NEBL: variants seen among roughly 807,000 people sequenced by gnomAD.
NEBL encodes LIM and SH3 protein 2.
In NEBL, 122 loss-of-function variants were observed where a neutral mutation model predicts 140.2. The observed-to-expected ratio is 0.87, with a 90% CI of 0.75 to 1.01. NEBL has a LOEUF of 1.01. NEBL is among the 50% of genes least tolerant of loss of function. The pLI is 0.00. For missense variants in NEBL, 1,365 were observed against 1,231.3 expected, an observed-to-expected ratio of 1.11 and a Z score of -1.62; for synonymous variants, 436 against 398.9, an observed-to-expected ratio of 1.09 and a Z score of -1.11.
intron 7 of NEBL, among the ~76,000 whole-genome samples, chr10:20,863,323 A>C (rs540470991): frequency 6.6e-6 from 1 of 152,330 alleles, no homozygotes; most frequent in East Asian, 1.9e-4. Context: ...AAAAAAGCAG[A>C]CCCTGAATGA....
At chr10:21,216,991 G>GAA (rs113200768) in intron 3 of NEBL, among the ~76,000 whole-genome samples, 3 of 147,464 alleles carry the variant, frequency 2.0e-5, no homozygotes, top group Admixed American at 6.8e-5. Flanking sequence ...CAGTCTCGAA[G>GAA]AAAAAAAAAA....
At chr10:21,169,059 A>T (rs1193880309) in intron 2 of NEBL, among the ~76,000 whole-genome samples, 27 of 43,806 alleles carry the variant, frequency 6.2e-4, no homozygotes, top group South Asian at 2.1e-3. Flanking sequence ...CAAAAAAAAA[A>T]AAAAAAAAAT....
chr10:20,942,293 C>T lies in NEBL; in HGVS notation c.357+19379G>A, dbSNP rs1834914078. Reference sequence around the variant, plus strand: ...CCTCAGAAATAATGCCGCATATCTACAACCATCTGTTCTTTGACAAACCTG... The same window carrying T: ...CCTCAGAAATAATGCCGCATATCTATAACCATCTGTTCTTTGACAAACCTG... On this transcript the variant is annotated intron_variant, in intron 4 of 6. Coordinates refer to the NEBL transcript ENST00000417816. Among the ~76,000 whole-genome samples the T allele has an allele frequency of 2.0e-5, 3 of 152,174 alleles. No individual in the cohort carries two copies. In the South Asian group the frequency reaches 6.2e-4, roughly 32 times the overall value.
chr10:21,155,174 C>T (rs998320418), intron 2 of NEBL, among the ~76,000 whole-genome samples: 2 of 151,982 alleles, frequency 1.3e-5, no homozygotes, highest in African/African-American at 2.4e-5. Context: ...ACTCCAGCCT[C>T]GGCGACAGAG....
intron 26 of NEBL, among the ~76,000 whole-genome samples, chr10:20,805,541 T>G (rs574347035): frequency 6.6e-6 from 1 of 152,120 alleles, no homozygotes; most frequent in Admixed American, 6.5e-5. Flanking sequence ...CAACAGAAAT[T>G]TATAAATGAC....
chr10:21,219,925 G>C (rs1158326659), intron 3 of NEBL, among the ~76,000 whole-genome samples: 1 of 132,816 alleles, frequency 7.5e-6, no homozygotes, highest in Non-Finnish European at 1.6e-5. Context: ...TTGTTTGTTT[G>C]TTTGTTTAGA....
chr10:21,110,730 C>T, intron 2 of NEBL: 1 of 502,430 alleles, frequency 2.0e-6, no homozygotes, highest in Non-Finnish European at 4.0e-6. Context: ...GCCCCAGAAC[C>T]AACAAAGATT....
chr10:20,849,333 CTTAA>C (rs1413420824), intron 11 of NEBL, among the ~76,000 whole-genome samples: 2 of 152,168 alleles, frequency 1.3e-5, no homozygotes, highest in East Asian at 1.9e-4. Flanking sequence ...AGAAAACACT[CTTAA>C]TTGTTTATTG....
At chr10:20,977,561 CAGG>C (rs1363033609) in intron 3 of NEBL, among the ~76,000 whole-genome samples, 2 of 151,644 alleles carry the variant, frequency 1.3e-5, no homozygotes, top group Admixed American at 6.6e-5. Context: ...TGTGAGCCCA[CAGG>C]AGGAGGAGGA....
At chr10:21,201,726 T>C (rs2132227443) in intron 3 of NEBL, among the ~76,000 whole-genome samples, 1 of 152,332 alleles carries the variant, frequency 6.6e-6, no homozygotes, top group Middle Eastern at 3.4e-3. Flanking sequence ...GATAGCATCA[T>C]TTTTGGTAAT....
intron 9 of NEBL, 100 bp from the exon 10 acceptor site, chr10:20,852,749 T>C: frequency 9.4e-7 from 1 of 1,067,678 alleles, no homozygotes. Flanking sequence ...CACCAAGAGC[T>C]GCAAAGCTGT....
intron 3 of NEBL, among the ~76,000 whole-genome samples, chr10:21,191,514 T>C (rs1841573505): frequency 6.6e-6 from 1 of 152,178 alleles, no homozygotes; most frequent in Non-Finnish European, 1.5e-5. Context: ...AGTCAAAATT[T>C]TTCCTATCAA....
At chr10:20,901,138 T>C (rs536113682), upstream of NEBL, among the ~76,000 whole-genome samples, 5 of 152,292 alleles carry the variant, frequency 3.3e-5, no homozygotes, top group South Asian at 4.1e-4. Context: ...GAAAAGGTCT[T>C]CTCATTCTCT....
At chr10:20,952,813 G>A (rs1301260834) in intron 4 of NEBL, among the ~76,000 whole-genome samples, 9 of 146,698 alleles carry the variant, frequency 6.1e-5, no homozygotes, top group East Asian at 2.1e-4. Context: ...ACTGAGGCAC[G>A]AGAATTACTT....
chr10:21,127,386 A>C (rs1838888829), intron 2 of NEBL, among the ~76,000 whole-genome samples: 1 of 152,188 alleles, frequency 6.6e-6, no homozygotes, highest in Admixed American at 6.5e-5. Context: ...CATTGCAAAA[A>C]CCATTACTTA....
At chr10:21,269,095 A>T (rs964187885) in intron 1 of NEBL, among the ~76,000 whole-genome samples, 3 of 152,126 alleles carry the variant, frequency 2.0e-5, no homozygotes, top group African/African-American at 7.2e-5. Context: ...GGGGATCCCC[A>T]TTTCCTGCTG....
rs80267390 is a variant in NEBL at position 21,190,908 on chromosome 10, T to C, written n.349-18431A>G. Among the ~76,000 whole-genome samples, 1,294 of 152,350 alleles carry C rather than the reference T, an allele frequency of 8.5e-3. 17 individuals carry two copies. Among genetic ancestry groups the C allele is most frequent in the Middle Eastern group, 0.041 (12 of 294 alleles). ...AAGTAATATCTGAGGGCTTCCAAAT[T>C]ACCTTCTTATAATTCATCTTCCTCC... On this transcript the variant is annotated intron_variant and non_coding_transcript_variant, in intron 3 of 8. Transcript: ENST00000675702.
At chr10:20,924,977 T>C (rs1833821712) in intron 4 of NEBL, among the ~76,000 whole-genome samples, 1 of 145,682 alleles carries the variant, frequency 6.9e-6, no homozygotes, top group Non-Finnish European at 1.5e-5. Context: ...AACCCCCTGC[T>C]CTATACCACC....
intron 2 of NEBL, among the ~76,000 whole-genome samples, chr10:21,103,770 G>A (rs1368525233): frequency 6.6e-6 from 1 of 151,778 alleles, no homozygotes; most frequent in Non-Finnish European, 1.5e-5. Flanking sequence ...AGTATCTTTT[G>A]AAAAGAAAAA....
Sources: allele counts gnomAD v4.1 joint callset (sites outside exome capture counted in the v4.1 genomes callset), GRCh38; gene constraint gnomAD v4.1.1; transcripts MANE v1.5; gene names NCBI Gene and HGNC (gene_info 2026-07-23, HGNC 2026-07-21).